MEF2A: variants seen among roughly 807,000 people sequenced by gnomAD.
MEF2A encodes myocyte-specific enhancer factor 2A.
MEF2A carries 28 observed loss-of-function variants against 55.8 expected under a neutral mutation model. The observed-to-expected ratio is 0.50, with a 90% CI of 0.37 to 0.69. The LOEUF (loss-of-function observed/expected upper bound fraction) is 0.69, where lower values mean the gene tolerates loss of function less well. Among genes scored for constraint, MEF2A ranks in the 30% least tolerant of loss-of-function variants. The pLI is 0.00. For synonymous variants in MEF2A, 239 were observed against 227.1 expected (o/e 1.05, Z -0.47); for missense variants, 528 against 626.2 (o/e 0.84, Z 1.67).
chr15:99,572,329 C>T (rs1240244981), intron 1 of MEF2A, among the ~76,000 whole-genome samples: 1 of 152,216 alleles, frequency 6.6e-6, no homozygotes, highest in Non-Finnish European at 1.5e-5. Context: ...CTTGGCTAAA[C>T]ACTTTGGAGT....
At chr15:99,641,095 A>G (rs1328536480) in intron 3 of MEF2A, among the ~76,000 whole-genome samples, 3 of 152,132 alleles carry the variant, frequency 2.0e-5, no homozygotes, top group African/African-American at 7.2e-5. Context: ...CGAAAAAGCC[A>G]TAGTGTCCGC....
rs1319477082 is a variant in MEF2A at position 99,632,351 on chromosome 15, C to CT, written c.-142-624dup. On this transcript the variant is annotated intron_variant, in intron 2 of 11. Coordinates refer to ENST00000557942, the MANE Select transcript of MEF2A (RefSeq NM_001319206.4). ...ATATTTTTACGAAAGTATATAGTGG[C>CT]TTTGTGAATTGACAAATAGTGATTT... 2.0e-5 allele frequency among the ~76,000 whole-genome samples: 3 copies of CT among 152,272 alleles called. No individual in the cohort carries two copies. In the East Asian group the frequency reaches 5.8e-4, roughly 29 times the overall value.
At chr15:99,702,301 C>A (rs575092819) in intron 8 of MEF2A, among the ~76,000 whole-genome samples, 3 of 152,136 alleles carry the variant, frequency 2.0e-5, no homozygotes, top group East Asian at 1.9e-4. Context: ...GTGGCACTTA[C>A]AATGACACTT....
intron 1 of MEF2A, among the ~76,000 whole-genome samples, chr15:99,594,379 C>G (rs1205371018): frequency 6.6e-6 from 1 of 151,948 alleles, no homozygotes; most frequent in Non-Finnish European, 1.5e-5. Flanking sequence ...GAGCTTCCAT[C>G]CTCTATCTGG....
intron 8 of MEF2A, among the ~76,000 whole-genome samples, chr15:99,696,306 A>C (rs911023827): frequency 3.3e-5 from 5 of 152,214 alleles, no homozygotes; most frequent in African/African-American, 1.2e-4. Flanking sequence ...AGCAGAACAC[A>C]CACTTTTCAC....
chr15:99,669,245 A>T (rs973392254), intron 4 of MEF2A, among the ~76,000 whole-genome samples: 3 of 152,246 alleles, frequency 2.0e-5, no homozygotes, highest in African/African-American at 7.2e-5. Context: ...CTAGTCTTAA[A>T]ATAGATGAAA....
rs183254278 is a variant in MEF2A, at chr15:99,574,290, C to T, written c.-225+8186C>T. Among the ~76,000 whole-genome samples, 291 of 152,220 alleles carry T rather than the reference C, an allele frequency of 1.9e-3. 1 individual carries two copies. Among genetic ancestry groups the T allele is most frequent in the Middle Eastern group, 0.01 (3 of 294 alleles). ...ATCTTCTGCCTAGAGCAGCTATTACCAGCCTTTTTGGCACCAGGGACCAGT... is the reference window on the plus strand; with the variant it reads ...ATCTTCTGCCTAGAGCAGCTATTACTAGCCTTTTTGGCACCAGGGACCAGT... On this transcript the variant is annotated intron_variant, in intron 1 of 11. Transcript: ENST00000557942.
chr15:99,613,174 T>C (rs1304884022), intron 2 of MEF2A, among the ~76,000 whole-genome samples: 3 of 152,238 alleles, frequency 2.0e-5, no homozygotes, highest in Non-Finnish European at 4.4e-5. Flanking sequence ...TCGTAATCTG[T>C]GGAGCTTTTA....
intron 7 of MEF2A, among the ~76,000 whole-genome samples, chr15:99,680,552 C>T (rs2053049475): frequency 6.6e-6 from 1 of 152,148 alleles, no homozygotes; most frequent in Non-Finnish European, 1.5e-5. Flanking sequence ...CCACTAATCC[C>T]ATTTTTGGGA....
At position 99,674,559 on chromosome 15, in the gene MEF2A, A is replaced by G; in HGVS notation, c.557A>G (p.His186Arg). 3.1e-6 allele frequency: 5 copies of G among 1,613,966 alleles called. No individual in the cohort carries two copies. The highest frequency in any genetic ancestry group is 4.2e-6 in the Non-Finnish European group (5 of 1,179,872). ...SMLSPPQTTL[H>R]RNVSPGAPQR... ...CTCTCTCCACCTCAAACCACATTAC[A>G]TAGAAATGTGTCTCCTGGAGCTCCT... The change falls in exon 6 of 12, where the codon CAT (histidine) becomes CGT (arginine). Residue 186 changes from histidine (H) to arginine (R), a missense_variant. Coordinates refer to ENST00000557942, the MANE Select transcript of MEF2A (RefSeq NM_001319206.4).
At chr15:99,656,822 T>C (rs767934582) in intron 4 of MEF2A, among the ~76,000 whole-genome samples, 7 of 152,142 alleles carry the variant, frequency 4.6e-5, no homozygotes, top group Non-Finnish European at 7.4e-5. Flanking sequence ...TCGTATACCA[T>C]AAAATTCACC....
At chr15:99,668,884 T>C (rs2050321303) in intron 4 of MEF2A, among the ~76,000 whole-genome samples, 1 of 152,190 alleles carries the variant, frequency 6.6e-6, no homozygotes, top group South Asian at 2.1e-4. Context: ...AAACAACTCT[T>C]CATGGTTTAG....
intron 2 of MEF2A, among the ~76,000 whole-genome samples, chr15:99,619,160 G>A (rs1272019287): frequency 6.6e-6 from 1 of 152,214 alleles, no homozygotes; most frequent in Non-Finnish European, 1.5e-5. Context: ...TTTGGCAGCA[G>A]TGAGATGAGG....
intron 1 of MEF2A, among the ~76,000 whole-genome samples, chr15:99,592,115 C>T (rs1969496768): frequency 6.6e-6 from 1 of 151,698 alleles, no homozygotes; most frequent in African/African-American, 2.4e-5. Flanking sequence ...TTCTTGCAGA[C>T]GTGTATGAAC....
chr15:99,705,862 A>T (rs2153808921), intron 9 of MEF2A, among the ~76,000 whole-genome samples: 1 of 152,336 alleles, frequency 6.6e-6, no homozygotes, highest in Non-Finnish European at 1.5e-5. Context: ...TGGCTTTCTT[A>T]TGTGCTAGTG....
At position 99,686,032 on chromosome 15, in the gene MEF2A, A is replaced by T. The variant is rs546948213; in HGVS notation, c.671-4209A>T. Among the ~76,000 whole-genome samples, 3 of 152,174 alleles carry T rather than the reference A, an allele frequency of 2.0e-5. No homozygotes were observed. The South Asian group carries it at 6.2e-4, about 32-fold the overall frequency. On this transcript the variant is annotated intron_variant, in intron 7 of 11. Coordinates refer to ENST00000557942, the MANE Select transcript of MEF2A (RefSeq NM_001319206.4). ...CAGAGTTTTTATTTCTTCCTCATTTAACCTAGGCGGGTTGTATATTTCCAG... is the reference window on the plus strand; with the variant it reads ...CAGAGTTTTTATTTCTTCCTCATTTTACCTAGGCGGGTTGTATATTTCCAG...
At chr15:99,634,971 A>G (rs1037412955) in intron 3 of MEF2A, among the ~76,000 whole-genome samples, 1 of 152,246 alleles carries the variant, frequency 6.6e-6, no homozygotes, top group Non-Finnish European at 1.5e-5. Flanking sequence ...TTGATTTTAG[A>G]ATTTGATTCT....
intron 1 of MEF2A, among the ~76,000 whole-genome samples, chr15:99,570,789 A>G (rs1961862960): frequency 1.3e-5 from 2 of 151,466 alleles, no homozygotes; most frequent in South Asian, 2.1e-4. Flanking sequence ...ATTCAGATCT[A>G]TATGTCATTT....
At chr15:99,597,701 G>A (rs543552206) in intron 1 of MEF2A, among the ~76,000 whole-genome samples, 1 of 152,220 alleles carries the variant, frequency 6.6e-6, no homozygotes, top group South Asian at 2.1e-4. Context: ...GACATGTGAT[G>A]TCTCCCCTGG....
Sources: gnomAD v4.1 joint callset for allele counts (sites outside exome capture counted in the v4.1 genomes callset) on GRCh38, gnomAD v4.1.1 for gene constraint, MANE v1.5 for transcripts, NCBI Gene and HGNC (gene_info 2026-07-23, HGNC 2026-07-21) for gene names.